The following NELFE variants were observed in gnomAD, a reference collection of about 807,000 sequenced individuals.
NELFE encodes the protein negative elongation factor E.
In NELFE, 26 loss-of-function variants were observed where a neutral mutation model predicts 55.5. The observed-to-expected ratio is 0.47, with a 90% confidence interval of 0.34 to 0.65. The LOEUF (loss-of-function observed/expected upper bound fraction) is 0.65. Ranked by LOEUF, NELFE falls within the 30% of genes least tolerant of loss-of-function variation. The pLI is 0.01. For missense variants in NELFE, 403 were observed against 506.9 expected (o/e 0.80, Z 1.97); for synonymous variants, 162 against 178.0 (o/e 0.91, Z 0.72).
chr6:31,956,401 T>G (rs1004941054), intron 4 of NELFE, among the ~76,000 whole-genome samples: 2 of 152,198 alleles, frequency 1.3e-5, no homozygotes, highest in African/African-American at 4.8e-5. Context: ...TGACTCGATA[T>G]ATTATGTATT....
chr6:31,955,066 A>G lies in NELFE; in HGVS notation c.397T>C (p.Tyr133His). ...SSRRPQRKSL[Y>H]ESFVSSSDRL... ...TTATCTCTACTCTCTAACCTCTCAT[A>G]CAGAGATTTCCTCTGGGGACGTCTG... Residue 133 changes from tyrosine (Y) to histidine (H), a missense_variant, in exon 6 of 11, where the codon TAT becomes CAT. Tyr to His is a moderately conservative substitution (Grantham distance 83). Around this residue, in one of 3 missense-constraint regions of NELFE, gnomAD observed 229 missense variants for 228.3 expected, o/e 1.00. Coordinates refer to ENST00000375429, the MANE Select transcript of NELFE (RefSeq NM_002904.6). 1 of 1,613,062 alleles carries G rather than the reference A, an allele frequency of 6.2e-7. No homozygotes were observed. Among genetic ancestry groups the G allele is most frequent in the Non-Finnish European group, 8.5e-7 (1 of 1,179,998 alleles).
Position 31,958,955 on chromosome 6 carries a change from G to A in NELFE, c.-72C>T. 3 of 600,826 alleles carry A rather than the reference G, an allele frequency of 5.0e-6. No homozygotes were observed. The highest frequency in any genetic ancestry group is 2.0e-5 in the South Asian group (1 of 49,926). The allele number at this position is 600,826 out of a possible 1,614,324, so 37.2% of individuals were successfully genotyped here. ...CGCGCCCGCGCTGGCCGCTGATAGC[G>A]GGCTCACAACGATGACGTAGCGAGG... On this transcript the variant is annotated 5_prime_UTR_variant, in exon 1 of 11. Coordinates refer to ENST00000375429, the MANE Select transcript of NELFE (RefSeq NM_002904.6).
rs762528155 is a variant in NELFE, at chr6:31,958,469, G to A, written c.-8-15C>T. 1 of 1,608,826 alleles carries A rather than the reference G, an allele frequency of 6.2e-7. No homozygotes were observed. The highest frequency in any genetic ancestry group is 1.1e-5 in the South Asian group (1 of 91,006). ...CATGGTGGCTCCTAGTTCAGGGGCA[G>A]GGCCCAAGACATCTTTCTCCACTGT... is the stretch of plus-strand genomic sequence containing the variant. On this transcript the variant is annotated splice_polypyrimidine_tract_variant and intron_variant, in intron 1 of 10. Transcript: ENST00000375429.
Position 31,958,945 on chromosome 6 carries a change from C to A in NELFE, c.-62G>T, listed in dbSNP as rs1582161714. 1 of 596,686 alleles carries A rather than the reference C, an allele frequency of 1.7e-6. No individual in the cohort carries two copies. The highest frequency in any genetic ancestry group is 3.0e-6 in the Non-Finnish European group (1 of 337,306). 37.0% of individuals were successfully genotyped at this position (596,686 alleles called of 1,614,324 possible). A position where few individuals can be genotyped will look rare whatever the true frequency, so the allele number is the denominator to read the frequency against. On this transcript the variant is annotated 5_prime_UTR_variant, in exon 1 of 11. Transcript: ENST00000375429. Reference sequence around the variant, plus strand: ...GGTCTCCGGCCGCGCCCGCGCTGGCCGCTGATAGCGGGCTCACAACGATGA... The same window carrying A: ...GGTCTCCGGCCGCGCCCGCGCTGGCAGCTGATAGCGGGCTCACAACGATGA...
At chr6:31,953,572 TCTAA>T (rs567878854) in intron 10 of NELFE, among the ~76,000 whole-genome samples, 153 bp downstream of exon 10, 67 of 152,310 alleles carry the variant, frequency 4.4e-4, no homozygotes, top group Middle Eastern at 3.4e-3. Flanking sequence ...TTTCTTTACC[TCTAA>T]CTGACAGAGG....
chr6:31,956,937 T>C lies in NELFE; in HGVS notation c.145+4A>G, dbSNP rs900065084. 1 of 1,611,482 alleles carries C rather than the reference T, an allele frequency of 6.2e-7. No homozygotes were observed. The highest frequency in any genetic ancestry group is 1.3e-5 in the African/African-American group (1 of 74,900). On this transcript the variant is annotated splice_donor_region_variant and intron_variant, in intron 3 of 10. Transcript: ENST00000375429. ...AGTCCATCCCCATTTCCCCTGTCAC[T>C]CACAGCGTTTGACACCACCTTGGCT...
chr6:31,958,878 G>T lies in NELFE; in HGVS notation c.-9+14C>A. ...GAGAAAAAGGGCCGAAGAGTGAGAA[G>T]CAGAGGGCCTTACCCGAGGGGGCGG... On this transcript the variant is annotated intron_variant, in intron 1 of 10. Coordinates refer to ENST00000375429, the MANE Select transcript of NELFE (RefSeq NM_002904.6). The T allele has an allele frequency of 1.7e-6, 1 of 603,948 alleles. No individual in the cohort carries two copies. The highest frequency in any genetic ancestry group is 2.9e-6 in the Non-Finnish European group (1 of 339,824). The allele number at this position is 603,948 out of a possible 1,614,324, so 37.4% of individuals were successfully genotyped here.
chr6:31,957,564 AAC>A (rs1336433566), intron 2 of NELFE: 1 of 406,170 alleles, frequency 2.5e-6, no homozygotes. Flanking sequence ...ATCTCTGCAC[AAC>A]ACAGAGAGGA....
In NELFE at chr6:31,954,616, GTCTCGA is replaced by G; in HGVS notation, c.675_680del (p.Asp227_Arg228del). 1.9e-6 allele frequency: 3 copies of G among 1,609,786 alleles called. No homozygotes were observed. The highest frequency in any genetic ancestry group is 1.7e-4 in the Middle Eastern group (1 of 5,964). On this transcript the variant is annotated inframe_deletion, in exon 7 of 11. Transcript: ENST00000375429. This position sits in a 1 kb window ranked among gnomAD's most constrained non-coding sequence, Gnocchi z 5.5. ...GCTCCCGATCCCTGTCCCGTTCCCGGTCTCGATCTCGATCCCGATCCCGATCCCTGT... is the reference window on the plus strand; with the variant it reads ...GCTCCCGATCCCTGTCCCGTTCCCGGTCTCGATCCCGATCCCGATCCCTGT...
At chr6:31,957,978 A>C (rs1015004386) in intron 2 of NELFE, among the ~76,000 whole-genome samples, 1 of 152,244 alleles carries the variant, frequency 6.6e-6, no homozygotes, top group African/African-American at 2.4e-5. Context: ...ATAGTGGGGA[A>C]GTCAGAGTTT....
intron 9 of NELFE, 100 bp downstream of exon 9, chr6:31,953,980 T>G (rs1771912486): frequency 6.3e-6 from 9 of 1,423,808 alleles, no homozygotes; most frequent in Non-Finnish European, 8.9e-6. Flanking sequence ...GAGGCTTTCT[T>G]TATCAAGAGG....
In NELFE at chr6:31,952,298, T is replaced by G; in HGVS notation, c.*3A>C. ...TGAGGCACAAGGAATCCAGCTCTGT[T>G]CCCTAGAAGCCATCCACAAGGTTTT... On this transcript the variant is annotated 3_prime_UTR_variant, in exon 11 of 11. Coordinates refer to ENST00000375429, the MANE Select transcript of NELFE (RefSeq NM_002904.6). 1 of 1,612,100 alleles carries G rather than the reference T, an allele frequency of 6.2e-7. No homozygotes were observed. Among genetic ancestry groups the G allele is most frequent in the South Asian group, 1.1e-5 (1 of 90,940 alleles).
chr6:31,953,675 C>T, intron 10 of NELFE, 54 bp downstream of exon 10: 1 of 1,475,290 alleles, frequency 6.8e-7, no homozygotes, highest in South Asian at 1.1e-5. Context: ...GTGGGGGAAC[C>T]AAAAGGAATG....
Position 31,954,607 on chromosome 6 carries a change from C to T in NELFE, c.690G>A (p.Arg230=), listed in dbSNP as rs749513331. The change falls in exon 7 of 11, where the codon CGG becomes CGA. Residue 230 remains arginine (R), a synonymous_variant. Coordinates refer to ENST00000375429, the MANE Select transcript of NELFE (RefSeq NM_002904.6). This position sits in a 1 kb window ranked among gnomAD's most constrained non-coding sequence, Gnocchi z 5.5. ...RDRDRDRDRE[R]DRDRERDRDR... ...CTCGATCCCGCTCCCGATCCCTGTC[C>T]CGTTCCCGGTCTCGATCTCGATCCC... 24 of 1,608,672 alleles carry T rather than the reference C, an allele frequency of 1.5e-5. No homozygotes were observed. Among genetic ancestry groups the T allele is most frequent in the Middle Eastern group, 1.7e-4 (1 of 5,990 alleles).
chr6:31,954,589 C>T lies in NELFE; in HGVS notation c.708G>A (p.Arg236=). ...GACCCTCTCGGTCTCGGTCTCGATC[C>T]CGCTCCCGATCCCTGTCCCGTTCCC... ...RDRERDRDRE[R]DRDRDREGPF... The change falls in exon 7 of 11, where the codon CGG becomes CGA. Residue 236 remains arginine, a synonymous_variant. Transcript: ENST00000375429. The surrounding 1 kb of genome is among the most constrained non-coding windows in gnomAD (Gnocchi z 5.5). The T allele has an allele frequency of 6.2e-7, 1 of 1,608,708 alleles. No homozygotes were observed. Among genetic ancestry groups the T allele is most frequent in the East Asian group, 2.2e-5 (1 of 44,856 alleles).
In NELFE at chr6:31,954,625, TCGATCCCGATCC is replaced by T. The variant is rs202172278; in HGVS notation, c.660_671del (p.Asp225_Arg228del). The T allele has an allele frequency of 6.2e-7, 1 of 1,607,486 alleles. No homozygotes were observed. Among genetic ancestry groups the T allele is most frequent in the Non-Finnish European group, 8.5e-7 (1 of 1,176,868 alleles). On this transcript the variant is annotated inframe_deletion, in exon 7 of 11. Transcript: ENST00000375429. The surrounding 1 kb of genome is among the most constrained non-coding windows in gnomAD (Gnocchi z 5.5). ...CCCTGTCCCGTTCCCGGTCTCGATC[TCGATCCCGATCC>T]CGATCCCTGTCCCGCTCTCTGTCTC...
In NELFE at chr6:31,954,169, A is replaced by C. The variant is rs1307520175; in HGVS notation, c.888-35T>G. ...GAGAAAACACGGTCAGTGGAGAGCC[A>C]AGGGGCTCTTCTGGACCCAACCAAA... On this transcript the variant is annotated intron_variant, in intron 8 of 10. Transcript: ENST00000375429. This position sits in a 1 kb window ranked among gnomAD's most constrained non-coding sequence, Gnocchi z 5.5. The C allele has an allele frequency of 6.2e-7, 1 of 1,611,606 alleles. No homozygotes were observed. Among genetic ancestry groups the C allele is most frequent in the South Asian group, 1.1e-5 (1 of 91,022 alleles).
In NELFE at chr6:31,954,044, G is replaced by A; in HGVS notation, c.942+36C>T. ...TTGAGGAGAACACATGAGAACAGCA[G>A]AAGCGATGGGAAGAACAGATTTGGG... On this transcript the variant is annotated intron_variant, in intron 9 of 10. Transcript: ENST00000375429. This position sits in a 1 kb window ranked among gnomAD's most constrained non-coding sequence, Gnocchi z 5.5. 1 of 1,607,606 alleles carries A rather than the reference G, an allele frequency of 6.2e-7. No homozygotes were observed. Among genetic ancestry groups the A allele is most frequent in the Non-Finnish European group, 8.5e-7 (1 of 1,175,328 alleles).
chr6:31,954,902 T>C lies in NELFE; in HGVS notation c.405-10A>G, dbSNP rs746527892. 6.4e-7 allele frequency: 1 copy of C among 1,569,442 alleles called. No homozygotes were observed. The highest frequency in any genetic ancestry group is 2.2e-5 in the East Asian group (1 of 44,550). On this transcript the variant is annotated splice_polypyrimidine_tract_variant and intron_variant, in intron 6 of 10. Transcript: ENST00000375429. This position sits in a 1 kb window ranked among gnomAD's most constrained non-coding sequence, Gnocchi z 5.5. Reference sequence around the variant, plus strand: ...ACTAGAAGACACAAAGCTGGGGAGATGCAGACTGAAGATCAAAGGGGGGTT... The same window carrying C: ...ACTAGAAGACACAAAGCTGGGGAGACGCAGACTGAAGATCAAAGGGGGGTT...
Sources: gnomAD v4.1 joint callset for allele counts (sites outside exome capture counted in the v4.1 genomes callset) on GRCh38, gnomAD v4.1.1 for gene constraint, gnomAD v4.1.1 regional missense constraint, Gnocchi (gnomAD v3.1) non-coding constraint, MANE v1.5 for transcripts, NCBI Gene and HGNC (gene_info 2026-07-23, HGNC 2026-07-21) for gene names.